PITPNM2: variants seen among roughly 807,000 people sequenced by gnomAD.
PITPNM2 encodes membrane-associated phosphatidylinositol transfer protein 2.
PITPNM2 carries 35 observed loss-of-function variants against 132.2 expected under a neutral mutation model. The observed-to-expected ratio is 0.26, with a 90% CI of 0.20 to 0.35. The LOEUF (loss-of-function observed/expected upper bound fraction) is 0.35. Among genes scored for constraint, PITPNM2 ranks in the 10% least tolerant of loss-of-function variants. The pLI, the probability that PITPNM2 is intolerant of heterozygous loss-of-function variation, is 1.00. For missense variants in PITPNM2, 1,332 were observed against 1,912.0 expected (o/e 0.70, Z 5.66); for synonymous variants, 738 against 799.2 (o/e 0.92, Z 1.29).
In PITPNM2 at chr12:122,994,962, A is replaced by G. The variant is rs754374740; in HGVS notation, c.2072T>C (p.Leu691Pro). 3.1e-6 allele frequency: 5 copies of G among 1,608,458 alleles called. No homozygotes were observed. The South Asian group carries it at 5.5e-5, about 18-fold the overall frequency. ...ATGGCGTGAGCAGGGCTCAGTCCTC[A>G]GCACGCTGGCATGGAGGCTGCAGAC... ...AFLSSLHASV[L>P]RTEPCSRHSS... Residue 691 changes from leucine (L) to proline (P), a missense_variant, in exon 15 of 26, where the codon CTG becomes CCG. Transcript: ENST00000320201. This position sits in a 1 kb window ranked among gnomAD's most constrained non-coding sequence, Gnocchi z 5.4.
At position 122,987,881 on chromosome 12, in the gene PITPNM2, C is replaced by G. The variant is rs750962780; in HGVS notation, c.3018G>C (p.Arg1006=). 2 of 1,612,788 alleles carry G rather than the reference C, an allele frequency of 1.2e-6. No homozygotes were observed. Among genetic ancestry groups the G allele is most frequent in the African/African-American group, 2.7e-5 (2 of 74,902 alleles). Residue 1006 remains arginine, a synonymous_variant, in exon 21 of 26, where the codon CGG becomes CGC. Coordinates refer to ENST00000320201, the MANE Select transcript of PITPNM2 (RefSeq NM_020845.3). ...VKLRNVTANH[R]INDALANEDG... is the part of the protein sequence containing the mutation. Reference sequence around the variant, plus strand: ...CCTCATTGGCAAGGGCATCATTGATCCGGTGGTTGGCCGTCACGTTCTGTG... The same window carrying G: ...CCTCATTGGCAAGGGCATCATTGATGCGGTGGTTGGCCGTCACGTTCTGTG...
Position 123,000,973 on chromosome 12 carries a change from G to A in PITPNM2, c.1153+81C>T, listed in dbSNP as rs2038639612. On this transcript the variant is annotated intron_variant, in intron 9 of 25. Transcript: ENST00000320201. The surrounding 1 kb of genome is among the most constrained non-coding windows in gnomAD (Gnocchi z 5.4). ...AACTCACATGTATGCCCAGCACTGT[G>A]CAGAAGCTGGTCAGAAAGGAGGGGG... The A allele has an allele frequency of 6.6e-7, 1 of 1,522,920 alleles. No individual in the cohort carries two copies. Among genetic ancestry groups the A allele is most frequent in the African/African-American group, 1.4e-5 (1 of 73,074 alleles). The allele number at this position is 1,522,920 out of a possible 1,614,324, so 94.3% of individuals were successfully genotyped here. A position where few individuals can be genotyped will look rare whatever the true frequency, so the allele number is the denominator to read the frequency against.
chr12:123,000,466 T>A lies in PITPNM2; in HGVS notation c.1224+312A>T. Reference sequence around the variant, plus strand: ...AGACAGGCTGGGCACAAGGTGAAGATCTTATTTTTGATCTGGAATTTACAA... The same window carrying A: ...AGACAGGCTGGGCACAAGGTGAAGAACTTATTTTTGATCTGGAATTTACAA... On this transcript the variant is annotated intron_variant, in intron 10 of 25. Transcript: ENST00000320201. The surrounding 1 kb of genome is among the most constrained non-coding windows in gnomAD (Gnocchi z 5.4). 1.4e-6 allele frequency: 1 copy of A among 702,726 alleles called. No individual in the cohort carries two copies. Among genetic ancestry groups the A allele is most frequent in the Non-Finnish European group, 2.6e-6 (1 of 384,920 alleles). The allele number at this position is 702,726 out of a possible 1,614,324, so 43.5% of individuals were successfully genotyped here.
chr12:123,078,651 T>C lies in PITPNM2; in HGVS notation c.-96+31734A>G, dbSNP rs1009680514. ...TCAGGGATAAGGGGATACCCACCTA[T>C]GGAAGGGCTCCGATGGCCCAGTGCC... On this transcript the variant is annotated intron_variant, in intron 2 of 25. Transcript: ENST00000320201. This position sits in a 1 kb window ranked among gnomAD's most constrained non-coding sequence, Gnocchi z 7.3. Among the ~76,000 whole-genome samples the C allele has an allele frequency of 6.6e-6, 1 of 152,204 alleles. No individual in the cohort carries two copies. The highest frequency in any genetic ancestry group is 1.5e-5 in the Non-Finnish European group (1 of 68,030).
chr12:122,990,651 C>G lies in PITPNM2; in HGVS notation c.2463G>C (p.Pro821=). The part of the protein sequence containing the change: ...AFQEHGAPSS[P]GTAPASRGFR... ...AGCCACGACTGGCAGGGGCAGTGCC[C>G]GGCGAGGAGGGGGCGCCATGCTCTT... The change falls in exon 17 of 26, where the codon CCG becomes CCC. Residue 821 remains proline (P), a synonymous_variant. Coordinates refer to ENST00000320201, the MANE Select transcript of PITPNM2 (RefSeq NM_020845.3). 1 of 1,611,910 alleles carries G rather than the reference C, an allele frequency of 6.2e-7. No individual in the cohort carries two copies. Among genetic ancestry groups the G allele is most frequent in the South Asian group, 1.1e-5 (1 of 91,062 alleles).
chr12:123,054,182 A>G (rs2040949195), intron 2 of PITPNM2, among the ~76,000 whole-genome samples: 2 of 152,206 alleles, frequency 1.3e-5, no homozygotes, highest in East Asian at 3.9e-4. Context: ...TGGCGCAGTC[A>G]TAGCTCACTG....
At position 122,989,819 on chromosome 12, in the gene PITPNM2, G is replaced by GC; in HGVS notation, c.2698dup (p.Ala900GlyfsTer6). 7.2e-7 allele frequency: 1 copy of GC among 1,387,940 alleles called. No homozygotes were observed. Among genetic ancestry groups the GC allele is most frequent in the Non-Finnish European group, 9.4e-7 (1 of 1,066,506 alleles). 86.0% of individuals were successfully genotyped at this position (1,387,940 alleles called of 1,614,324 possible). A position where few individuals can be genotyped will look rare whatever the true frequency, so the allele number is the denominator to read the frequency against. ...AATGTCCAGCTCAGGGAGGCCAGGG[G>GC]CCCTCTCCAGGCCAGGGCTTGCCTT... On this transcript the variant is annotated frameshift_variant, in exon 18 of 26. Transcript: ENST00000320201. LOFTEE classifies it high-confidence loss of function.
Position 123,099,907 on chromosome 12 carries a change from A to G in PITPNM2, c.-96+10478T>C, listed in dbSNP as rs1173958606. On this transcript the variant is annotated intron_variant, in intron 2 of 25. Transcript: ENST00000320201. The surrounding 1 kb of genome is among the most constrained non-coding windows in gnomAD (Gnocchi z 4.2). ...CTGAAAGAGGCAGTGCCCTGTAAGG[A>G]CAGCTCTACATCCACAGAAAACACC... Among the ~76,000 whole-genome samples, 3 of 152,180 alleles carry G rather than the reference A, an allele frequency of 2.0e-5. No homozygotes were observed. The highest frequency in any genetic ancestry group is 4.4e-5 in the Non-Finnish European group (3 of 68,034).
chr12:123,009,982 G>GC lies in PITPNM2; in HGVS notation c.510dup (p.Pro171AlafsTer86). 6.2e-7 allele frequency: 1 copy of GC among 1,614,178 alleles called. No individual in the cohort carries two copies. Among genetic ancestry groups the GC allele is most frequent in the Non-Finnish European group, 8.5e-7 (1 of 1,180,026 alleles). Reference sequence around the variant, plus strand: ...TCCTCGATCCAGTTCTCGGACAGGGGCCCCCGCTGGGTCTTGGTTGACTGG... The same window carrying GC: ...TCCTCGATCCAGTTCTCGGACAGGGGCCCCCCGCTGGGTCTTGGTTGACTGG... On this transcript the variant is annotated frameshift_variant, in exon 6 of 26. Transcript: ENST00000320201. LOFTEE classifies it high-confidence loss of function. The surrounding 1 kb of genome is among the most constrained non-coding windows in gnomAD (Gnocchi z 4.8).
intron 17 of PITPNM2, 83 bp downstream of exon 17, chr12:122,990,462 C>T (rs1209991900): frequency 3.9e-6 from 6 of 1,548,568 alleles, no homozygotes; most frequent in African/African-American, 1.4e-5. Context: ...GCTAGAAATG[C>T]TCCTAGACAT....
intron 1 of PITPNM2, among the ~76,000 whole-genome samples, chr12:123,131,169 G>C (rs1300796851): frequency 6.6e-6 from 1 of 152,172 alleles, no homozygotes; most frequent in Non-Finnish European, 1.5e-5. Flanking sequence ...TTGGAAATAG[G>C]GTCACTGCAG....
At chr12:123,114,849 T>C (rs2042905082) in intron 1 of PITPNM2, among the ~76,000 whole-genome samples, 1 of 152,248 alleles carries the variant, frequency 6.6e-6, no homozygotes, top group Non-Finnish European at 1.5e-5. Flanking sequence ...CTGTGATTAC[T>C]ACCGCTGCTT....
chr12:123,124,790 ATTAC>A (rs2043105114), intron 1 of PITPNM2, among the ~76,000 whole-genome samples: 1 of 152,150 alleles, frequency 6.6e-6, no homozygotes, highest in African/African-American at 2.4e-5. Context: ...AGTATAATGC[ATTAC>A]TTACTTACCC....
At chr12:123,147,070 C>A (rs1254499743) in intron 1 of PITPNM2, among the ~76,000 whole-genome samples, 2 of 152,164 alleles carry the variant, frequency 1.3e-5, no homozygotes, top group African/African-American at 4.8e-5. Flanking sequence ...TTGTGATGAC[C>A]AGAGATTTTA....
At chr12:123,046,488 G>C (rs12372305) in intron 2 of PITPNM2, among the ~76,000 whole-genome samples, 146 of 152,280 alleles carry the variant, frequency 9.6e-4, no homozygotes, top group Non-Finnish European at 1.4e-3. Flanking sequence ...CTTTAAAGTG[G>C]TTTTTAGTAT....
At chr12:123,085,854 T>C (rs1347112553) in intron 2 of PITPNM2, among the ~76,000 whole-genome samples, 1 of 152,166 alleles carries the variant, frequency 6.6e-6, no homozygotes. Flanking sequence ...TGTCTTGTCA[T>C]GTATGAACAC....
intron 2 of PITPNM2, among the ~76,000 whole-genome samples, chr12:123,086,058 G>A (rs1375710328): frequency 6.6e-6 from 1 of 152,216 alleles, no homozygotes; most frequent in South Asian, 2.1e-4. Context: ...CCGATATTCC[G>A]TAACCTGCTT....
intron 3 of PITPNM2, among the ~76,000 whole-genome samples, chr12:123,032,890 G>T (rs763834890): frequency 6.6e-6 from 1 of 152,184 alleles, no homozygotes; most frequent in Non-Finnish European, 1.5e-5. Context: ...CGGAGAGGCT[G>T]GGTTCACCTT....
At chr12:123,110,512 G>A (rs2042814143) in intron 1 of PITPNM2, 24 bp from the exon 2 acceptor site, 1 of 152,418 alleles carries the variant, frequency 6.6e-6, no homozygotes, top group African/African-American at 2.4e-5. Flanking sequence ...CACAATGGGA[G>A]AGGAGGTGAG....
Sources: allele counts gnomAD v4.1 joint callset (sites outside exome capture counted in the v4.1 genomes callset), GRCh38; gene constraint gnomAD v4.1.1; non-coding constraint Gnocchi (gnomAD v3.1); transcripts MANE v1.5; gene names NCBI Gene and HGNC (gene_info 2026-07-23, HGNC 2026-07-21).